Variants in ADCY7 observed in about 807,000 individuals in gnomAD.
ADCY7 encodes the protein adenylate cyclase type 7.
A neutral mutation model predicts 120.6 loss-of-function variants in ADCY7; 72 were observed. The ratio of observed to expected loss-of-function variants is 0.60; its 90% confidence interval spans 0.49 to 0.73. ADCY7 has a LOEUF of 0.73. Ranked by LOEUF, ADCY7 falls within the 30% of genes least tolerant of loss-of-function variation. The probability of loss-of-function intolerance (pLI) is 0.00; values close to 1 mark genes in which losing one functional copy is unlikely to be tolerated. For missense variants in ADCY7, 1,227 were observed against 1,486.0 expected (o/e 0.83, Z 2.87); for synonymous variants, 661 against 628.0 (o/e 1.05, Z -0.78).
In ADCY7 at chr16:50,301,078, G is replaced by A. The variant is rs368277278; in HGVS notation, c.1236-4G>A. 1.4e-5 allele frequency: 23 copies of A among 1,613,026 alleles called. No individual in the cohort carries two copies. The highest frequency in any genetic ancestry group is 1.7e-4 in the Middle Eastern group (1 of 5,986). On this transcript the variant is annotated splice_polypyrimidine_tract_variant and splice_region_variant and intron_variant, in intron 9 of 25. Coordinates refer to ENST00000673801, the MANE Select transcript of ADCY7 (RefSeq NM_001114.5). Reference sequence around the variant, plus strand: ...AGGCTCTGCCTGACTTGGGTCTCCCGTAGCCGGGTGCACATCACGGAGGCC... The same window carrying A: ...AGGCTCTGCCTGACTTGGGTCTCCCATAGCCGGGTGCACATCACGGAGGCC...
chr16:50,257,831 C>T (rs904931005), intron 1 of ADCY7, among the ~76,000 whole-genome samples: 3 of 151,876 alleles, frequency 2.0e-5, no homozygotes, highest in African/African-American at 7.3e-5. Context: ...CAACCTCTAC[C>T]TCCCAGGCTC....
At chr16:50,278,493 C>A (rs1286647734) in intron 1 of ADCY7, among the ~76,000 whole-genome samples, 1 of 152,222 alleles carries the variant, frequency 6.6e-6, no homozygotes, top group East Asian at 1.9e-4. Flanking sequence ...ATATGAATCA[C>A]AAATGTTCCC....
In ADCY7 at chr16:50,305,526, C is replaced by G; in HGVS notation, c.1619C>G (p.Ser540Trp). The change falls in exon 13 of 26, where the codon TCG (serine) becomes TGG (tryptophan). Residue 540 changes from serine (S) to tryptophan (W), a missense_variant. By Grantham distance (177) the Ser-to-Trp change is radical. This residue lies in a region of ADCY7 where 332 missense variants were observed against 455.8 expected (regional missense o/e 0.73). Transcript: ENST00000673801. The part of the protein sequence containing the change: ...PDRSMSPKGR[S>W]EDDSYDDEML... ...AGAAGCATGTCCCCCAAGGGGCGGTCGGAGGATGACTCGTACGATGACGAG... is the reference window on the plus strand; with the variant it reads ...AGAAGCATGTCCCCCAAGGGGCGGTGGGAGGATGACTCGTACGATGACGAG... 6.2e-7 allele frequency: 1 copy of G among 1,611,496 alleles called. No individual in the cohort carries two copies. Among genetic ancestry groups the G allele is most frequent in the Non-Finnish European group, 8.5e-7 (1 of 1,178,736 alleles).
chr16:50,262,475 T>C (rs12926858), upstream of ADCY7, among the ~76,000 whole-genome samples: 82,381 of 151,106 alleles, frequency 0.55, 22,516 homozygotes, highest in East Asian at 0.69. Flanking sequence ...TTCAGGCGCC[T>C]GCCCTCAAGC....
intron 1 of ADCY7, among the ~76,000 whole-genome samples, chr16:50,267,548 A>G (rs940903428): frequency 5.3e-5 from 8 of 152,058 alleles, no homozygotes; most frequent in African/African-American, 1.4e-4. Context: ...TGGAAGGGCT[A>G]TGTGACCGTG....
At chr16:50,284,329 T>C (rs2034454530) in intron 1 of ADCY7, among the ~76,000 whole-genome samples, 1 of 152,208 alleles carries the variant, frequency 6.6e-6, no homozygotes, top group African/African-American at 2.4e-5. Flanking sequence ...TGCCTGCCGT[T>C]GCCCAGAAAG....
intron 24 of ADCY7, 174 bp from the exon 25 acceptor site, chr16:50,314,840 T>A: frequency 1.3e-6 from 1 of 772,940 alleles, no homozygotes; most frequent in Non-Finnish European, 2.1e-6. Flanking sequence ...GGGAATGCCC[T>A]CCTCATACCC....
At chr16:50,311,814 C>CCCA in intron 20 of ADCY7, 28 bp downstream of exon 20, 3 of 1,256,070 alleles carry the variant, frequency 2.4e-6, no homozygotes, top group Non-Finnish European at 3.3e-6. Flanking sequence ...CCCCCCCCCC[C>CCCA]CAAGCTCTGC....
chr16:50,313,858 C>T lies in ADCY7; in HGVS notation c.2752-100C>T, dbSNP rs1435247892. The T allele has an allele frequency of 4.5e-5, 41 of 904,374 alleles. 1 individual carries two copies. In the East Asian group the frequency reaches 5.4e-4, roughly 12 times the overall value. 56.0% of individuals were successfully genotyped at this position (904,374 alleles called of 1,614,324 possible). ...CATGAGACGTGTGTGCGAGAGGCGGCGATGGGTGGAGGGAACCCCACACCC... is the reference window on the plus strand; with the variant it reads ...CATGAGACGTGTGTGCGAGAGGCGGTGATGGGTGGAGGGAACCCCACACCC... On this transcript the variant is annotated intron_variant, in intron 22 of 25. Transcript: ENST00000673801.
intron 9 of ADCY7, 76 bp downstream of exon 9, chr16:50,300,949 G>C: frequency 2.0e-6 from 3 of 1,537,958 alleles, no homozygotes; most frequent in Non-Finnish European, 2.6e-6. Context: ...GGTTGGGGGT[G>C]GGGGTCAGGT....
intron 1 of ADCY7, among the ~76,000 whole-genome samples, chr16:50,259,425 C>T (rs2150796633): frequency 6.6e-6 from 1 of 152,310 alleles, no homozygotes; most frequent in Non-Finnish European, 1.5e-5. Context: ...CCAAGTTTTT[C>T]AAAGGAAATA....
rs374349100 is a variant in ADCY7, at chr16:50,288,156, C to T, written c.-24C>T. The stretch of plus-strand genomic sequence containing the variant: ...TGGGGCCTCCTTAACGGCCCCTTAA[C>T]GACACGCGTGCCAAGGGTGGAGGAT... On this transcript the variant is annotated 5_prime_UTR_variant, in exon 2 of 26. The change creates a new upstream start codon in the 5' untranslated region. Coordinates refer to ENST00000673801, the MANE Select transcript of ADCY7 (RefSeq NM_001114.5). The T allele has an allele frequency of 6.1e-5, 94 of 1,531,238 alleles. No individual in the cohort carries two copies. The highest frequency in any genetic ancestry group is 1.7e-4 in the Middle Eastern group (1 of 5,900). 94.9% of individuals were successfully genotyped at this position (1,531,238 alleles called of 1,614,324 possible). A position where few individuals can be genotyped will look rare whatever the true frequency, so the allele number is the denominator to read the frequency against.
chr16:50,312,243 C>T (rs2036529236), intron 21 of ADCY7, 52 bp downstream of exon 21: 1 of 1,598,422 alleles, frequency 6.3e-7, no homozygotes, highest in African/African-American at 1.3e-5. Flanking sequence ...GGTCCAGGCG[C>T]AGTCCGTAGG....
chr16:50,298,672 A>C (rs938305832), intron 7 of ADCY7, among the ~76,000 whole-genome samples: 1 of 152,190 alleles, frequency 6.6e-6, no homozygotes, highest in South Asian at 2.1e-4. Context: ...CGAGGCCCTT[A>C]GGAACACTCG....
At position 50,311,760 on chromosome 16, in the gene ADCY7, A is replaced by G; in HGVS notation, c.2422A>G (p.Ile808Val). The change falls in exon 20 of 26, where the codon ATC (isoleucine) becomes GTC (valine). Residue 808 changes from isoleucine (I) to valine (V), a missense_variant. Transcript: ENST00000673801. The part of the protein sequence containing the change: ...MTNFYLVLFY[I>V]TLLTLSRQID... ...CAATTTCTACCTGGTCCTGTTCTAC[A>G]TCACCCTGCTTACACTCTCCAGACA... 1 of 1,593,508 alleles carries G rather than the reference A, an allele frequency of 6.3e-7. No homozygotes were observed.
Position 50,288,270 on chromosome 16 carries a change from C to G in ADCY7, c.91C>G (p.His31Asp). ...CGAGAAGTACCAGCTCACCAGCCAG[C>G]ATGGGCCGCTGCTGCTCACGCTCCT... ...LYEKYQLTSQ[H>D]GPLLLTLLLV... Residue 31 changes from histidine (H) to aspartate (D), a missense_variant, in exon 2 of 26, where the codon CAT becomes GAT. By Grantham distance (81) the His-to-Asp change is moderately conservative. Around this residue, in one of 5 missense-constraint regions of ADCY7, gnomAD observed 382 missense variants for 411.4 expected, o/e 0.93. Coordinates refer to ENST00000673801, the MANE Select transcript of ADCY7 (RefSeq NM_001114.5). The G allele has an allele frequency of 6.4e-7, 1 of 1,551,210 alleles. No individual in the cohort carries two copies. Among genetic ancestry groups the G allele is most frequent in the South Asian group, 1.2e-5 (1 of 84,040 alleles).
chr16:50,302,990 G>GT (rs963209457), intron 10 of ADCY7, among the ~76,000 whole-genome samples: 1 of 152,262 alleles, frequency 6.6e-6, no homozygotes, highest in African/African-American at 2.4e-5. Flanking sequence ...AGCTGCCCCC[G>GT]TGGGGCTCAT....
At position 50,288,346 on chromosome 16, in the gene ADCY7, A is replaced by C. The variant is rs1473146809; in HGVS notation, c.167A>C (p.Gln56Pro). ...GCCCTCATCATCATTGCCTTCAGCC[A>C]GGGGGTGAGTGAGGGCAGCCCCTGG... The part of the protein sequence containing the change: ...CVALIIIAFS[Q>P]GDPSRHQAIL... The change falls in exon 2 of 26, where the codon CAG becomes CCG. Residue 56 changes from glutamine (Q) to proline (P), a missense_variant. Coordinates refer to ENST00000673801, the MANE Select transcript of ADCY7 (RefSeq NM_001114.5). 3.2e-6 allele frequency: 5 copies of C among 1,545,202 alleles called. No individual in the cohort carries two copies. The South Asian group carries it at 6.0e-5, about 18-fold the overall frequency.
Position 50,293,380 on chromosome 16 carries a change from G to A in ADCY7, c.714G>A (p.Pro238=), listed in dbSNP as rs987806353. ...QQENLLLSVL[P]AHISMGMKLA... is the part of the protein sequence containing the mutation. ...AGAACCTGCTGCTGTCAGTGCTTCC[G>A]GCCCACATCTCCATGGGCATGAAGC... Residue 238 remains proline (P), a synonymous_variant, in exon 6 of 26, where the codon CCG becomes CCA. Coordinates refer to ENST00000673801, the MANE Select transcript of ADCY7 (RefSeq NM_001114.5). 8.7e-6 allele frequency: 14 copies of A among 1,613,656 alleles called. No homozygotes were observed. Among genetic ancestry groups the A allele is most frequent in the African/African-American group, 2.7e-5 (2 of 75,046 alleles).
Sources: gnomAD v4.1 joint callset for allele counts (sites outside exome capture counted in the v4.1 genomes callset) on GRCh38, gnomAD v4.1.1 for gene constraint, gnomAD v4.1.1 regional missense constraint, MANE v1.5 for transcripts, NCBI Gene and HGNC (gene_info 2026-07-23, HGNC 2026-07-21) for gene names.